Variants in SNX31 observed in about 807,000 individuals in gnomAD.
SNX31 encodes the protein sorting nexin 31, also known as sorting nexin-31.
Under a neutral mutation model 65.4 loss-of-function variants are expected in SNX31, and 58 were observed. The ratio of observed to expected loss-of-function variants is 0.89; its 90% CI spans 0.72 to 1.10. The LOEUF (loss-of-function observed/expected upper bound fraction) is 1.10, where lower values mean the gene tolerates loss of function less well. Ranked by LOEUF, SNX31 falls within the 50% of genes least tolerant of loss-of-function variation. The pLI is 0.00. For missense variants in SNX31, 523 were observed against 529.7 expected (o/e 0.99, Z 0.12); for synonymous variants, 181 against 190.1 (o/e 0.95, Z 0.39).
rs983812220 is a variant in SNX31 at position 100,630,316 on chromosome 8, A to G, written c.321+11T>C. ...AGGAATGATGGCCCCATTAAAGAAG[A>G]GCAAGCTTACCAGCTGCGCCAGTTT... On this transcript the variant is annotated intron_variant, in intron 4 of 13. Coordinates refer to ENST00000311812, the MANE Select transcript of SNX31 (RefSeq NM_152628.4). This position sits in a 1 kb window ranked among gnomAD's most constrained non-coding sequence, Gnocchi z 5.3. 6.2e-7 allele frequency: 1 copy of G among 1,613,306 alleles called. No individual in the cohort carries two copies. The highest frequency in any genetic ancestry group is 8.5e-7 in the Non-Finnish European group (1 of 1,179,624).
chr8:100,643,542 G>A (rs1202561690), intron 2 of SNX31, among the ~76,000 whole-genome samples: 4 of 152,172 alleles, frequency 2.6e-5, no homozygotes, highest in Non-Finnish European at 5.9e-5. Context: ...GCATGGCCTA[G>A]AGCTTGCATA....
chr8:100,641,559 AAAAAAAATATAT>A (rs1254741054), intron 2 of SNX31, among the ~76,000 whole-genome samples: 75 of 31,248 alleles, frequency 2.4e-3, no homozygotes, highest in African/African-American at 0.014. Flanking sequence ...AAAAAAAAAA[AAAAAAAATATAT>A]ATATATATAT....
chr8:100,617,566 A>G, intron 5 of SNX31, 54 bp downstream of exon 5: 1 of 1,297,776 alleles, frequency 7.7e-7, no homozygotes, highest in Non-Finnish European at 1.1e-6. Context: ...TCTGCTTTCC[A>G]AACAGAACCA....
intron 5 of SNX31, among the ~76,000 whole-genome samples, chr8:100,616,936 G>A (rs1002794244): frequency 6.6e-6 from 1 of 152,144 alleles, no homozygotes; most frequent in Non-Finnish European, 1.5e-5. Context: ...TGGAGGATTA[G>A]AGCTAAAACC....
chr8:100,584,053 A>G (rs1335140891), intron 12 of SNX31, 58 bp downstream of exon 12: 1 of 1,529,122 alleles, frequency 6.5e-7, no homozygotes, highest in African/African-American at 1.4e-5. Flanking sequence ...TTGGTCTCCA[A>G]CTGTTGGCTG....
chr8:100,628,499 C>T (rs957060261), intron 4 of SNX31, among the ~76,000 whole-genome samples: 2 of 149,146 alleles, frequency 1.3e-5, no homozygotes, highest in African/African-American at 5.0e-5. Context: ...GACAAAAAAA[C>T]AAACACCGCA....
In SNX31 at chr8:100,630,005, G is replaced by A. The variant is rs1587013921; in HGVS notation, c.321+322C>T. Among the ~76,000 whole-genome samples the A allele has an allele frequency of 6.6e-6, 1 of 152,192 alleles. No homozygotes were observed. The highest frequency in any genetic ancestry group is 2.1e-4 in the South Asian group (1 of 4,828). ...ATGGGAACCCTTAATGATAAAGGCTGTAGTTCTTGTACTGTACTTGAAGGT... is the reference window on the plus strand; with the variant it reads ...ATGGGAACCCTTAATGATAAAGGCTATAGTTCTTGTACTGTACTTGAAGGT... On this transcript the variant is annotated intron_variant, in intron 4 of 13. Coordinates refer to ENST00000311812, the MANE Select transcript of SNX31 (RefSeq NM_152628.4). This position sits in a 1 kb window ranked among gnomAD's most constrained non-coding sequence, Gnocchi z 5.3.
intron 12 of SNX31, among the ~76,000 whole-genome samples, chr8:100,583,112 C>T (rs1813704530): frequency 6.9e-6 from 1 of 144,304 alleles, no homozygotes; most frequent in Admixed American, 6.9e-5. Flanking sequence ...TTCTTTCTTT[C>T]TTTTTTTTTT....
At chr8:100,641,627 T>C (rs1382788923) in intron 2 of SNX31, among the ~76,000 whole-genome samples, 2 of 2,210 alleles carry the variant, frequency 9.0e-4, no homozygotes, top group Non-Finnish European at 1.9e-3. Flanking sequence ...CACACGCGCA[T>C]ATATATATAT....
chr8:100,655,343 A>G (rs747837783), intron 1 of SNX31, among the ~76,000 whole-genome samples: 9 of 152,182 alleles, frequency 5.9e-5, no homozygotes, highest in Non-Finnish European at 1.2e-4. Flanking sequence ...GCCAGGTGAT[A>G]TGGTTTGGCT....
chr8:100,596,105 G>A (rs1815065724), intron 10 of SNX31, among the ~76,000 whole-genome samples: 1 of 152,176 alleles, frequency 6.6e-6, no homozygotes, highest in Non-Finnish European at 1.5e-5. Context: ...AGTTTCCTGT[G>A]TAAAGAGGAT....
rs973827364 is a variant in SNX31, at chr8:100,578,887, A to G, written c.1171-1812T>C. Among the ~76,000 whole-genome samples the G allele has an allele frequency of 1.3e-5, 2 of 151,718 alleles. No homozygotes were observed. Among genetic ancestry groups the G allele is most frequent in the African/African-American group, 4.8e-5 (2 of 41,248 alleles). ...CAGGTACGCGCCACCATGCCCATCT[A>G]ATTTTTGTATTTTTGGTAGAGATGG... On this transcript the variant is annotated intron_variant, in intron 12 of 13. Coordinates refer to ENST00000311812, the MANE Select transcript of SNX31 (RefSeq NM_152628.4). This position sits in a 1 kb window ranked among gnomAD's most constrained non-coding sequence, Gnocchi z 4.7.
chr8:100,654,526 A>G (rs1820026643), upstream of SNX31, among the ~76,000 whole-genome samples: 1 of 152,120 alleles, frequency 6.6e-6, no homozygotes, highest in African/African-American at 2.4e-5. Flanking sequence ...GAAAATCAAG[A>G]GTCCCCAGAT....
At chr8:100,602,059 G>T (rs1389711878) in intron 8 of SNX31, among the ~76,000 whole-genome samples, 2 of 152,218 alleles carry the variant, frequency 1.3e-5, no homozygotes, top group Non-Finnish European at 2.9e-5. Context: ...GGCAGAATTG[G>T]CCATTGTCCC....
At chr8:100,590,899 T>C (rs969881224) in intron 10 of SNX31, among the ~76,000 whole-genome samples, 2 of 151,962 alleles carry the variant, frequency 1.3e-5, no homozygotes, top group African/African-American at 4.8e-5. Flanking sequence ...CCAAATGAAG[T>C]GAGCCCCATA....
At chr8:100,642,047 C>G (rs888486600) in intron 2 of SNX31, among the ~76,000 whole-genome samples, 1 of 151,398 alleles carries the variant, frequency 6.6e-6, no homozygotes, top group African/African-American at 2.4e-5. Context: ...CCACTGCACT[C>G]CAGCCTGGGC....
intron 9 of SNX31, 22 bp downstream of exon 9, chr8:100,600,327 C>T: frequency 6.3e-7 from 1 of 1,595,494 alleles, no homozygotes; most frequent in Non-Finnish European, 8.6e-7. Context: ...AGGGATTTCT[C>T]TTGGAGCAAT....
rs191289394 is a variant in SNX31, at chr8:100,656,648, A to C, written c.-58+6494T>G. Among the ~76,000 whole-genome samples, 1,044 of 151,396 alleles carry C rather than the reference A, an allele frequency of 6.9e-3. 26 individuals are homozygous for C. The highest frequency in any genetic ancestry group is 0.021 in the African/African-American group (851 of 41,286). ...AGAGTGAGACTCTGTCTCAAAAAAA[A>C]AAAAAAAAAAAAAAAAAACCTTTAA... On this transcript the variant is annotated intron_variant, in intron 1 of 5. Coordinates refer to the SNX31 transcript ENST00000520352.
At chr8:100,617,554 T>C (rs1451247966) in intron 5 of SNX31, 66 bp downstream of exon 5, 13 of 1,138,654 alleles carry the variant, frequency 1.1e-5, no homozygotes, top group Admixed American at 1.9e-5. Context: ...CGTATCCCAT[T>C]CTCTGCTTTC....
Sources: gnomAD v4.1 joint callset for allele counts (sites outside exome capture counted in the v4.1 genomes callset) on GRCh38, gnomAD v4.1.1 for gene constraint, Gnocchi (gnomAD v3.1) non-coding constraint, MANE v1.5 for transcripts, NCBI Gene and HGNC (gene_info 2026-07-23, HGNC 2026-07-21) for gene names.